The following GLIS3 variants were observed in gnomAD, a reference collection of about 807,000 sequenced individuals.
The protein encoded by GLIS3 is zinc finger protein GLIS3.
GLIS3 carries 53 observed loss-of-function variants against 78.6 expected under a neutral mutation model. The ratio of observed to expected loss-of-function variants is 0.67; its 90% CI spans 0.54 to 0.85. The LOEUF is 0.85. GLIS3 is among the 40% of genes least tolerant of loss of function. The pLI, the probability that GLIS3 is intolerant of heterozygous loss-of-function variation, is 0.00. For synonymous variants in GLIS3, 684 were observed against 509.9 expected (o/e 1.34, Z -4.60); for missense variants, 1,703 against 1,231.1 (o/e 1.38, Z -5.74).
chr9:4,388,530 G>A, the GLIS3 span, among the ~76,000 whole-genome samples: 7 of 152,002 alleles, frequency 4.6e-5, no homozygotes, highest in Non-Finnish European at 1.0e-4. Context: ...ACAAAAATTA[G>A]CCAGGCGTGG....
At chr9:3,870,174 G>C (rs1056765046) in intron 8 of GLIS3, among the ~76,000 whole-genome samples, 1 of 152,104 alleles carries the variant, frequency 6.6e-6, no homozygotes, top group Admixed American at 6.5e-5. Flanking sequence ...CATTCCCAAT[G>C]ATCAATTAGA....
chr9:4,179,444 T>C (rs557942466), intron 2 of GLIS3, among the ~76,000 whole-genome samples: 1 of 152,266 alleles, frequency 6.6e-6, no homozygotes, highest in East Asian at 1.9e-4. Context: ...TCCCTATTTG[T>C]TTGGGATAGT....
intron 2 of GLIS3, among the ~76,000 whole-genome samples, chr9:4,340,465 G>A (rs1259895525): frequency 3.3e-5 from 5 of 152,080 alleles, no homozygotes; most frequent in Non-Finnish European, 7.4e-5. Flanking sequence ...TGTCTTTGGG[G>A]CAAATTCCTC....
At chr9:3,877,879 A>T (rs930614334) in intron 8 of GLIS3, among the ~76,000 whole-genome samples, 11 of 152,054 alleles carry the variant, frequency 7.2e-5, no homozygotes, top group Middle Eastern at 3.2e-3. Context: ...TTTTGCTGTA[A>T]TGTCAATCTG....
At chr9:4,104,315 C>G (rs1830594888) in intron 4 of GLIS3, among the ~76,000 whole-genome samples, 1 of 152,140 alleles carries the variant, frequency 6.6e-6, no homozygotes, top group South Asian at 2.1e-4. Context: ...TGAACCAAAC[C>G]TTAAAGTTAC....
At chr9:4,459,240 T>C in the GLIS3 span, among the ~76,000 whole-genome samples, 2 of 152,162 alleles carry the variant, frequency 1.3e-5, no homozygotes, top group Non-Finnish European at 2.9e-5. Context: ...TATGTGAAGG[T>C]TGTCAGCATT....
intron 2 of GLIS3, among the ~76,000 whole-genome samples, chr9:4,180,078 AG>A (rs1817168025): frequency 6.6e-6 from 1 of 152,094 alleles, no homozygotes; most frequent in Non-Finnish European, 1.5e-5. Flanking sequence ...GCCACCTCTA[AG>A]TTATCAATGG....
chr9:4,300,174 CG>C (rs1167449287), upstream of GLIS3, among the ~76,000 whole-genome samples: 4 of 150,670 alleles, frequency 2.7e-5, no homozygotes, highest in Non-Finnish European at 4.4e-5. Flanking sequence ...CTGGCCAATT[CG>C]AAGGCCGAGC....
the GLIS3 span, among the ~76,000 whole-genome samples, chr9:4,409,733 C>A: frequency 5.9e-5 from 9 of 152,010 alleles, no homozygotes; most frequent in South Asian, 1.0e-3. Context: ...AATGATAAAT[C>A]ACAAACTATC....
intron 2 of GLIS3, among the ~76,000 whole-genome samples, chr9:4,183,811 C>A (rs1176868237): frequency 1.3e-5 from 2 of 152,118 alleles, no homozygotes; most frequent in Non-Finnish European, 2.9e-5. Context: ...TTATTTGATT[C>A]TTTCACAGGT....
intron 4 of GLIS3, among the ~76,000 whole-genome samples, chr9:3,946,223 G>A (rs1451459577): frequency 6.6e-6 from 1 of 152,214 alleles, no homozygotes; most frequent in Non-Finnish European, 1.5e-5. Context: ...ACTAGGCTGT[G>A]AGCTTTATAA....
intron 2 of GLIS3, among the ~76,000 whole-genome samples, chr9:4,228,083 A>G (rs1032808326): frequency 1.3e-5 from 2 of 152,120 alleles, no homozygotes; most frequent in Non-Finnish European, 2.9e-5. Context: ...AGGGGCCAGG[A>G]GAATCACACA....
At chr9:4,006,439 A>G (rs1240387793) in intron 4 of GLIS3, among the ~76,000 whole-genome samples, 1 of 152,210 alleles carries the variant, frequency 6.6e-6, no homozygotes, top group African/African-American at 2.4e-5. Flanking sequence ...GATGATAAAA[A>G]CATGCCATTA....
chr9:4,348,424 C>G (rs2130596339), upstream of GLIS3: 1 of 152,338 alleles, frequency 6.6e-6, no homozygotes, highest in Non-Finnish European at 1.5e-5. Context: ...TGATAGGAGG[C>G]AAAAGCAAAA....
chr9:4,039,968 T>C (rs1242161872), intron 4 of GLIS3, among the ~76,000 whole-genome samples: 2 of 152,138 alleles, frequency 1.3e-5, no homozygotes, highest in Admixed American at 6.5e-5. Context: ...AGGCCAAAAC[T>C]GTTTGGGAAG....
At chr9:4,059,470 C>A (rs1588567255) in intron 4 of GLIS3, among the ~76,000 whole-genome samples, 1 of 152,184 alleles carries the variant, frequency 6.6e-6, no homozygotes, top group African/African-American at 2.4e-5. Flanking sequence ...CAGCCTGTAA[C>A]AGGCCATTGC....
chr9:3,937,508 T>C (rs1170750325), intron 4 of GLIS3, among the ~76,000 whole-genome samples: 3 of 152,138 alleles, frequency 2.0e-5, no homozygotes, highest in Non-Finnish European at 2.9e-5. Context: ...GTCTTAAAGA[T>C]TTATTAAAAA....
chr9:3,860,831 T>C (rs1017431569), intron 8 of GLIS3, among the ~76,000 whole-genome samples: 2 of 152,202 alleles, frequency 1.3e-5, no homozygotes, highest in Admixed American at 6.5e-5. Flanking sequence ...GCACTAAATG[T>C]GTGGCATTGT....
At chr9:4,132,797 C>T (rs1833074319) in intron 2 of GLIS3, among the ~76,000 whole-genome samples, 1 of 152,150 alleles carries the variant, frequency 6.6e-6, no homozygotes, top group Non-Finnish European at 1.5e-5. Flanking sequence ...ATGGTTCAAC[C>T]TAACACACAC....
Sources: gnomAD v4.1 joint callset for allele counts (sites outside exome capture counted in the v4.1 genomes callset) on GRCh38, gnomAD v4.1.1 for gene constraint, MANE v1.5 for transcripts, NCBI Gene and HGNC (gene_info 2026-07-23, HGNC 2026-07-21) for gene names.